MTMR12: variants seen among roughly 807,000 people sequenced by gnomAD.
The protein encoded by MTMR12 is myotubularin related protein 12.
Under a neutral mutation model 96.7 loss-of-function variants are expected in MTMR12, and 33 were observed. That is an observed-to-expected ratio of 0.34 (90% CI 0.26 to 0.46). The LOEUF (loss-of-function observed/expected upper bound fraction) is 0.46, where lower values mean the gene tolerates loss of function less well. Ranked by LOEUF, MTMR12 falls within the 20% of genes least tolerant of loss-of-function variation. The probability of loss-of-function intolerance (pLI) is 1.00; values close to 1 mark genes in which losing one functional copy is unlikely to be tolerated. For synonymous variants in MTMR12, 298 were observed against 327.2 expected (o/e 0.91, Z 0.96); for missense variants, 721 against 896.1 (o/e 0.80, Z 2.49).
At chr5:32,252,615 G>C (rs1748981340) in intron 8 of MTMR12, among the ~76,000 whole-genome samples, 1 of 152,148 alleles carries the variant, frequency 6.6e-6, no homozygotes, top group South Asian at 2.1e-4. Context: ...TGAAGAGCTT[G>C]TGTCTACATA....
At chr5:32,305,466 G>A (rs1426346194) in intron 1 of MTMR12, among the ~76,000 whole-genome samples, 2 of 152,196 alleles carry the variant, frequency 1.3e-5, no homozygotes, top group Non-Finnish European at 2.9e-5. Flanking sequence ...ACTAAGGCAG[G>A]AGGTCTGTTT....
At position 32,312,702 on chromosome 5, in the gene MTMR12, C is replaced by A; in HGVS notation, c.81+56G>T. 7.5e-7 allele frequency: 1 copy of A among 1,330,194 alleles called. No individual in the cohort carries two copies. Among genetic ancestry groups the A allele is most frequent in the South Asian group, 1.7e-5 (1 of 59,126 alleles). The allele number at this position is 1,330,194 out of a possible 1,614,324, so 82.4% of individuals were successfully genotyped here. On this transcript the variant is annotated intron_variant, in intron 1 of 15. Transcript: ENST00000382142. This position sits in a 1 kb window ranked among gnomAD's most constrained non-coding sequence, Gnocchi z 5.0. ...CCCGCTGCAAGGAAGGGGCTCCCGG[C>A]GCCCCTCGCCCCGGCCGCCCCTGCC...
At chr5:32,293,844 T>C (rs1482767318) in intron 1 of MTMR12, among the ~76,000 whole-genome samples, 1 of 152,192 alleles carries the variant, frequency 6.6e-6, no homozygotes, top group Non-Finnish European at 1.5e-5. Flanking sequence ...CCTCATATCC[T>C]TCAAATTGAC....
chr5:32,270,848 A>G lies in MTMR12; in HGVS notation c.458T>C (p.Leu153Pro). ...CKDLRVFQFCLRYTKEEEVKR... is the reference protein window; with the variant it reads ...CKDLRVFQFCPRYTKEEEVKR... Reference sequence around the variant, plus strand: ...GACTTCCTCTTCCTTTGTGTACCTCAGACAAAACTGGAACACTCGAAGGTC... The same window carrying G: ...GACTTCCTCTTCCTTTGTGTACCTCGGACAAAACTGGAACACTCGAAGGTC... The change falls in exon 5 of 16, where the codon CTG becomes CCG. Residue 153 changes from leucine (L) to proline (P), a missense_variant. Leu to Pro is a moderately conservative substitution (Grantham distance 98). Coordinates refer to ENST00000382142, the MANE Select transcript of MTMR12 (RefSeq NM_001040446.3). The G allele has an allele frequency of 6.2e-7, 1 of 1,613,530 alleles. No homozygotes were observed. The highest frequency in any genetic ancestry group is 1.1e-5 in the South Asian group (1 of 90,914).
chr5:32,301,747 C>T (rs766085068), intron 1 of MTMR12, among the ~76,000 whole-genome samples: 3 of 152,028 alleles, frequency 2.0e-5, no homozygotes, highest in Non-Finnish European at 2.9e-5. Context: ...AAAAATTAAC[C>T]GGGCATGGTG....
Position 32,242,144 on chromosome 5 carries a change from C to T in MTMR12, c.1101-17G>A. 1.3e-6 allele frequency: 2 copies of T among 1,588,034 alleles called. No homozygotes were observed. Among genetic ancestry groups the T allele is most frequent in the African/African-American group, 1.3e-5 (1 of 74,180 alleles). On this transcript the variant is annotated splice_polypyrimidine_tract_variant and intron_variant, in intron 11 of 15. Transcript: ENST00000382142. ...AGGCAACGTCTGAATAGGAAAGAGA[C>T]AAGAAAAAGGGGCATTAGTTCATGA...
intron 10 of MTMR12, among the ~76,000 whole-genome samples, chr5:32,244,304 A>G (rs1344935803): frequency 6.6e-6 from 1 of 151,952 alleles, no homozygotes; most frequent in Non-Finnish European, 1.5e-5. Context: ...AAAAAAAAAA[A>G]AAAGGCCAGA....
chr5:32,279,876 C>T (rs569347908), intron 1 of MTMR12, among the ~76,000 whole-genome samples: 4 of 152,324 alleles, frequency 2.6e-5, no homozygotes, highest in East Asian at 3.9e-4. Context: ...CGCCACTGAT[C>T]CCACAGGAGG....
intron 1 of MTMR12, among the ~76,000 whole-genome samples, chr5:32,310,779 A>G (rs1751552285): frequency 6.6e-6 from 1 of 152,160 alleles, no homozygotes; most frequent in African/African-American, 2.4e-5. Context: ...TAACTTAAAG[A>G]GTATAATTGG....
chr5:32,252,430 A>C (rs753961593), intron 8 of MTMR12, among the ~76,000 whole-genome samples: 10 of 152,224 alleles, frequency 6.6e-5, no homozygotes, highest in Non-Finnish European at 8.8e-5. Flanking sequence ...GCCCCAAACT[A>C]TCTCTTCAAT....
intron 1 of MTMR12, among the ~76,000 whole-genome samples, chr5:32,283,809 T>C (rs1056295695): frequency 1.3e-5 from 2 of 152,128 alleles, no homozygotes; most frequent in African/African-American, 4.8e-5. Context: ...ACTGGCCAGC[T>C]GCATGGAGAA....
chr5:32,238,258 G>A (rs1035405543), intron 13 of MTMR12, among the ~76,000 whole-genome samples: 19 of 151,908 alleles, frequency 1.3e-4, no homozygotes, highest in Non-Finnish European at 2.5e-4. Flanking sequence ...AGGCTGGAGT[G>A]CAGTGGCACA....
intron 6 of MTMR12, among the ~76,000 whole-genome samples, chr5:32,267,377 G>GA (rs751223074): frequency 2.2e-3 from 200 of 89,910 alleles, no homozygotes; most frequent in South Asian, 6.5e-3. Flanking sequence ...CTCCATCTCA[G>GA]AAAAAAAAAA....
intron 12 of MTMR12, 92 bp downstream of exon 12, chr5:32,241,965 T>C: frequency 6.5e-6 from 7 of 1,079,318 alleles, no homozygotes; most frequent in Non-Finnish European, 9.6e-6. Flanking sequence ...AACTCACTCC[T>C]TTTGTTTCCA....
intron 8 of MTMR12, among the ~76,000 whole-genome samples, chr5:32,251,131 C>CT (rs1465427012): frequency 6.7e-6 from 1 of 148,344 alleles, no homozygotes; most frequent in Non-Finnish European, 1.5e-5. Flanking sequence ...TCTCGGCTCA[C>CT]TGCAAGCTCC....
chr5:32,242,235 T>C (rs1581594181), intron 11 of MTMR12, 108 bp from the exon 12 acceptor site: 3 of 301,496 alleles, frequency 1.0e-5, no homozygotes, highest in Non-Finnish European at 1.7e-5. Flanking sequence ...TTCTCTCTTA[T>C]TTTTTTTTTT....
chr5:32,310,398 C>A (rs145754353), intron 1 of MTMR12, among the ~76,000 whole-genome samples: 34 of 152,280 alleles, frequency 2.2e-4, no homozygotes, highest in African/African-American at 7.0e-4. Flanking sequence ...TTGGAAGCAA[C>A]CAAAGTGTCC....
intron 1 of MTMR12, among the ~76,000 whole-genome samples, chr5:32,293,554 TA>T (rs1469871989): frequency 6.6e-6 from 1 of 152,168 alleles, no homozygotes; most frequent in Non-Finnish European, 1.5e-5. Context: ...AAACTCCAGA[TA>T]TATATAGGAG....
intron 1 of MTMR12, among the ~76,000 whole-genome samples, chr5:32,277,563 G>A (rs1750104161): frequency 6.6e-6 from 1 of 152,086 alleles, no homozygotes; most frequent in African/African-American, 2.4e-5. Context: ...GCCAGGCATG[G>A]TAGTGAGTGC....
Sources: gnomAD v4.1 joint callset for allele counts (sites outside exome capture counted in the v4.1 genomes callset) on GRCh38, gnomAD v4.1.1 for gene constraint, Gnocchi (gnomAD v3.1) non-coding constraint, MANE v1.5 for transcripts, NCBI Gene and HGNC (gene_info 2026-07-23, HGNC 2026-07-21) for gene names.